The following NTRK3 variants were observed in gnomAD, a reference collection of about 807,000 sequenced individuals.
NTRK3 encodes the protein NT-3 growth factor receptor.
Under a neutral mutation model 91.7 loss-of-function variants are expected in NTRK3, and 24 were observed. The observed-to-expected ratio is 0.26, with a 90% CI of 0.19 to 0.37. The LOEUF (loss-of-function observed/expected upper bound fraction) is 0.37, where lower values mean the gene tolerates loss of function less well. Ranked by LOEUF, NTRK3 falls within the 10% of genes least tolerant of loss-of-function variation. NTRK3 has a pLI of 1.00. For missense variants in NTRK3, 880 were observed against 1,068.9 expected, an observed-to-expected ratio of 0.82 and a Z score of 2.46; for synonymous variants, 483 against 404.0, an observed-to-expected ratio of 1.20 and a Z score of -2.34.
intron 17 of NTRK3, among the ~76,000 whole-genome samples, chr15:87,914,938 T>G (rs2067340513): frequency 6.6e-6 from 1 of 152,194 alleles, no homozygotes; most frequent in Admixed American, 6.5e-5. Context: ...GTGTACATGG[T>G]TATTTACTAA....
At chr15:88,131,616 A>G (rs74027766) in intron 10 of NTRK3, among the ~76,000 whole-genome samples, 368 of 152,318 alleles carry the variant, frequency 2.4e-3, no homozygotes, top group African/African-American at 8.5e-3. Flanking sequence ...TGCCAGATCA[A>G]TTCGCAGTTT....
At chr15:87,997,400 T>G (rs889856592) in intron 14 of NTRK3, among the ~76,000 whole-genome samples, 1 of 152,128 alleles carries the variant, frequency 6.6e-6, no homozygotes, top group African/African-American at 2.4e-5. Context: ...CTTCTATATA[T>G]CCTTCAAAAT....
At chr15:87,942,222 C>G (rs1483224481) in intron 14 of NTRK3, among the ~76,000 whole-genome samples, 9 of 152,226 alleles carry the variant, frequency 5.9e-5, no homozygotes, top group Non-Finnish European at 1.3e-4. Context: ...TTATTTTCTC[C>G]TCCCCCTAGG....
intron 18 of NTRK3, among the ~76,000 whole-genome samples, chr15:87,878,895 G>A (rs537730635): frequency 1.4e-5 from 2 of 146,142 alleles, no homozygotes; most frequent in South Asian, 2.2e-4. Flanking sequence ...GCAGTGTTCA[G>A]GTGCATGCAT....
chr15:87,918,898 A>G (rs1490811140), intron 17 of NTRK3, among the ~76,000 whole-genome samples: 1 of 152,212 alleles, frequency 6.6e-6, no homozygotes, highest in Non-Finnish European at 1.5e-5. Context: ...GTTGAGGTTA[A>G]GAACACTGAT....
chr15:88,126,796 C>A (rs889843969), intron 12 of NTRK3, among the ~76,000 whole-genome samples: 3 of 152,166 alleles, frequency 2.0e-5, no homozygotes, highest in African/African-American at 7.2e-5. Flanking sequence ...CCAGAGTAAT[C>A]TTAGGCTCTG....
At chr15:88,027,982 G>T (rs2078185035) in intron 14 of NTRK3, among the ~76,000 whole-genome samples, 2 of 152,140 alleles carry the variant, frequency 1.3e-5, no homozygotes, top group African/African-American at 4.8e-5. Context: ...TTCACAAGAA[G>T]CGAGAAATGA....
At chr15:88,031,675 A>G (rs551301597) in intron 14 of NTRK3, among the ~76,000 whole-genome samples, 1 of 151,948 alleles carries the variant, frequency 6.6e-6, no homozygotes, top group Admixed American at 6.6e-5. Flanking sequence ...ACTCAAGCCC[A>G]CTCCCTCCCA....
chr15:88,240,630 C>T lies in NTRK3; in HGVS notation c.248+15276G>A, dbSNP rs1454128279. 6.6e-6 allele frequency among the ~76,000 whole-genome samples: 1 copy of T among 152,210 alleles called. No individual in the cohort carries two copies. Among genetic ancestry groups the T allele is most frequent in the Non-Finnish European group, 1.5e-5 (1 of 68,016 alleles). On this transcript the variant is annotated intron_variant, in intron 3 of 18. Transcript: ENST00000394480. This position sits in a 1 kb window ranked among gnomAD's most constrained non-coding sequence, Gnocchi z 4.9. The stretch of plus-strand genomic sequence containing the variant: ...CTGGAGACAAACCTCAGCTCTGCCA[C>T]TTCCTAGCAGAACCACCTAGGGCAA...
intron 3 of NTRK3, among the ~76,000 whole-genome samples, chr15:88,210,580 T>C (rs943288623): frequency 6.6e-6 from 1 of 152,232 alleles, no homozygotes. Context: ...AGGTGGTGCC[T>C]GTGAAGATGA....
chr15:88,038,742 A>G (rs2079305700), intron 13 of NTRK3, among the ~76,000 whole-genome samples: 1 of 152,316 alleles, frequency 6.6e-6, no homozygotes, highest in Admixed American at 6.5e-5. Flanking sequence ...ATGTAAAAAA[A>G]AAGTCCAGTC....
chr15:88,223,651 C>A (rs764213101), intron 3 of NTRK3, among the ~76,000 whole-genome samples: 2 of 152,198 alleles, frequency 1.3e-5, no homozygotes, highest in Non-Finnish European at 2.9e-5. Flanking sequence ...AGTACTCAAC[C>A]TTTTGGGGTC....
intron 14 of NTRK3, among the ~76,000 whole-genome samples, chr15:87,946,424 T>C (rs765741366): frequency 5.3e-5 from 8 of 152,228 alleles, no homozygotes; most frequent in Non-Finnish European, 1.2e-4. Flanking sequence ...GGTGAGTGTG[T>C]GCACTCAGTC....
chr15:88,004,547 A>G (rs1231631514), intron 14 of NTRK3, among the ~76,000 whole-genome samples: 1 of 152,212 alleles, frequency 6.6e-6, no homozygotes. Context: ...CATGTTGCCA[A>G]GCATCATCAA....
In NTRK3 at chr15:88,116,437, T is replaced by TA. The variant is rs1567446261; in HGVS notation, c.1396+9833_1396+9834insT. ...CCGTATCTACTAAAAGTACAAAAAT[T>TA]TAAAAAAAAAAAAATGGTGGTTATA... On this transcript the variant is annotated intron_variant, in intron 13 of 18. Transcript: ENST00000394480. Among the ~76,000 whole-genome samples the TA allele has an allele frequency of 6.7e-3, 637 of 94,458 alleles. 5 individuals carry two copies. Among genetic ancestry groups the TA allele is most frequent in the African/African-American group, 0.021 (611 of 28,562 alleles). The allele number at this position is 94,458 out of a possible 152,430, so 62.0% of individuals were successfully genotyped here.
intron 3 of NTRK3, among the ~76,000 whole-genome samples, chr15:88,190,579 G>A (rs1282372314): frequency 2.6e-5 from 4 of 152,142 alleles, no homozygotes; most frequent in Admixed American, 2.0e-4. Context: ...ATATTAGGCT[G>A]CAGGCCATCA....
At chr15:88,112,100 G>A (rs2051458376) in intron 13 of NTRK3, among the ~76,000 whole-genome samples, 5 of 152,004 alleles carry the variant, frequency 3.3e-5, no homozygotes, top group Admixed American at 2.6e-4. Flanking sequence ...TAGAGACAGG[G>A]TTTCACAATG....
At chr15:88,067,732 G>T (rs754541546) in intron 13 of NTRK3, among the ~76,000 whole-genome samples, 44 of 152,056 alleles carry the variant, frequency 2.9e-4, no homozygotes, top group Admixed American at 5.9e-4. Flanking sequence ...GCACATTCTG[G>T]GTTCAAATCC....
At chr15:88,177,035 T>A (rs901001536) in intron 5 of NTRK3, among the ~76,000 whole-genome samples, 4 of 152,024 alleles carry the variant, frequency 2.6e-5, no homozygotes, top group African/African-American at 7.3e-5. Flanking sequence ...TCTGTTTGGG[T>A]CAGATGGGCC....
Sources: allele counts gnomAD v4.1 joint callset (sites outside exome capture counted in the v4.1 genomes callset), GRCh38; gene constraint gnomAD v4.1.1; non-coding constraint Gnocchi (gnomAD v3.1); transcripts MANE v1.5; gene names NCBI Gene and HGNC (gene_info 2026-07-23, HGNC 2026-07-21).